ZNF33B: variants seen among roughly 807,000 people sequenced by gnomAD.
The protein encoded by ZNF33B is zinc finger protein 33B.
In ZNF33B, 29 loss-of-function variants were observed where a neutral mutation model predicts 45.8. The observed-to-expected ratio is 0.63, with a 90% CI of 0.47 to 0.86. ZNF33B has a LOEUF of 0.86. Ranked by LOEUF, ZNF33B falls within the 40% of genes least tolerant of loss-of-function variation. ZNF33B has a pLI of 0.00. For synonymous variants in ZNF33B, 305 were observed against 307.8 expected (o/e 0.99, Z 0.10); for missense variants, 831 against 909.9 (o/e 0.91, Z 1.12).
chr10:42,634,489 A>G (rs1003833801), intron 2 of ZNF33B, among the ~76,000 whole-genome samples: 2 of 152,204 alleles, frequency 1.3e-5, no homozygotes, highest in African/African-American at 2.4e-5. Context: ...GAATACTAAC[A>G]ATATTTGTAT....
intron 4 of ZNF33B, among the ~76,000 whole-genome samples, chr10:42,599,690 G>A (rs575856454): frequency 4.2e-4 from 64 of 151,882 alleles, no homozygotes; most frequent in Non-Finnish European, 7.8e-4. Flanking sequence ...TATTTGTGTC[G>A]CATAAGAAAG....
intron 4 of ZNF33B, among the ~76,000 whole-genome samples, chr10:42,623,249 G>A (rs572382099): frequency 2.4e-4 from 36 of 152,268 alleles, no homozygotes; most frequent in Admixed American, 1.9e-3. Context: ...CCTGGGTGAC[G>A]GTGAGACTCT....
intron 4 of ZNF33B, 102 bp downstream of exon 4, chr10:42,631,827 G>A (rs1251615706): frequency 1.6e-5 from 15 of 937,740 alleles, no homozygotes; most frequent in Non-Finnish European, 2.6e-5. Flanking sequence ...GACCCCTATG[G>A]AGATGTTCTT....
chr10:42,598,432 C>T (rs982112712), intron 4 of ZNF33B, among the ~76,000 whole-genome samples: 4 of 152,242 alleles, frequency 2.6e-5, no homozygotes, highest in African/African-American at 9.6e-5. Context: ...CACCCACACA[C>T]AATTCCAGAA....
chr10:42,596,466 A>G (rs1435506799), intron 4 of ZNF33B, among the ~76,000 whole-genome samples: 1 of 152,168 alleles, frequency 6.6e-6, no homozygotes, highest in Non-Finnish European at 1.5e-5. Context: ...TAAGGTTTAG[A>G]ATTACATACT....
At position 42,621,926 on chromosome 10, in the gene ZNF33B, T is replaced by G. The variant is rs1838609715; in HGVS notation, c.250+10003A>C. On this transcript the variant is annotated intron_variant, in intron 4 of 4. Coordinates refer to ENST00000359467, the MANE Select transcript of ZNF33B (RefSeq NM_006955.3). ...TGCCTACTCACAGGTGACATAATCCTAAAGATAGATCATAAAGAAACTACA... is the reference window on the plus strand; with the variant it reads ...TGCCTACTCACAGGTGACATAATCCGAAAGATAGATCATAAAGAAACTACA... Among the ~76,000 whole-genome samples, 4 of 152,182 alleles carry G rather than the reference T, an allele frequency of 2.6e-5. No individual in the cohort carries two copies. The South Asian group carries it at 8.3e-4, about 31-fold the overall frequency.
Position 42,593,956 on chromosome 10 carries a change from T to A in ZNF33B, c.994A>T (p.Asn332Tyr). ...TCCCAGAAAGCTTTCCCACATTCAT[T>A]ACATTCAAAGTGTTTCTCTCCTTTA... ...GDKGEKHFEC[N>Y]ECGKAFWEKS... Residue 332 changes from asparagine to tyrosine, a missense_variant, in exon 5 of 5, where the codon AAT becomes TAT. Asn to Tyr is a moderately radical substitution (Grantham distance 143). Transcript: ENST00000359467. The A allele has an allele frequency of 2.5e-6, 4 of 1,614,096 alleles. No individual in the cohort carries two copies. Among genetic ancestry groups the A allele is most frequent in the Non-Finnish European group, 3.4e-6 (4 of 1,179,954 alleles).
chr10:42,602,754 G>T (rs556305858), intron 4 of ZNF33B, among the ~76,000 whole-genome samples: 2 of 152,122 alleles, frequency 1.3e-5, no homozygotes, highest in African/African-American at 4.8e-5. Context: ...GTTTTTCCAC[G>T]CTGGCTGGCA....
chr10:42,594,248 G>A lies in ZNF33B; in HGVS notation c.702C>T (p.Phe234=), dbSNP rs1837293931. 18 of 1,613,600 alleles carry A rather than the reference G, an allele frequency of 1.1e-5. No individual in the cohort carries two copies. Among genetic ancestry groups the A allele is most frequent in the Non-Finnish European group, 1.4e-5 (16 of 1,179,920 alleles). Residue 234 remains phenylalanine, a synonymous_variant, in exon 5 of 5, where the codon TTC becomes TTT. Coordinates refer to ENST00000359467, the MANE Select transcript of ZNF33B (RefSeq NM_006955.3). ...CTGCATTCTCTCTCTTCCGTGTATTGAATACTGCCTTTTCAAGGAGGGTTT... is the reference window on the plus strand; with the variant it reads ...CTGCATTCTCTCTCTTCCGTGTATTAAATACTGCCTTTTCAAGGAGGGTTT... ...CQETLLEKAV[F]NTRKRENAEE... is the part of the protein sequence containing the mutation.
At chr10:42,604,476 C>A (rs1052070531) in intron 4 of ZNF33B, among the ~76,000 whole-genome samples, 1 of 151,960 alleles carries the variant, frequency 6.6e-6, no homozygotes, top group African/African-American at 2.4e-5. Flanking sequence ...TAAATATGTT[C>A]ATAAGGAAAC....
At chr10:42,636,756 G>T (rs1038025359) in intron 2 of ZNF33B, 164 bp downstream of exon 2, 2 of 869,110 alleles carry the variant, frequency 2.3e-6, no homozygotes, top group Non-Finnish European at 3.6e-6. Context: ...GGAGGCAGAG[G>T]TTGCAAGGTT....
chr10:42,604,023 C>A (rs1837737747), intron 4 of ZNF33B, among the ~76,000 whole-genome samples: 1 of 152,124 alleles, frequency 6.6e-6, no homozygotes, highest in African/African-American at 2.4e-5. Context: ...TATTCTTCAA[C>A]AAAAAAATTA....
intron 4 of ZNF33B, among the ~76,000 whole-genome samples, chr10:42,609,513 TA>T (rs1445690670): frequency 6.6e-6 from 1 of 152,080 alleles, no homozygotes; most frequent in Non-Finnish European, 1.5e-5. Flanking sequence ...ATCAAACATT[TA>T]AAAAGAAGTA....
At chr10:42,611,837 T>G (rs1434932074) in intron 4 of ZNF33B, among the ~76,000 whole-genome samples, 2 of 152,252 alleles carry the variant, frequency 1.3e-5, no homozygotes, top group Non-Finnish European at 2.9e-5. Context: ...CTATAAAGAC[T>G]TAACAGTTTT....
chr10:42,602,133 C>T (rs1395428923), intron 4 of ZNF33B, among the ~76,000 whole-genome samples: 1 of 151,720 alleles, frequency 6.6e-6, no homozygotes, highest in Non-Finnish European at 1.5e-5. Context: ...CATCATGTTG[C>T]CCAGGCTGGT....
intron 4 of ZNF33B, among the ~76,000 whole-genome samples, chr10:42,618,839 C>T (rs1055134944): frequency 3.9e-5 from 6 of 152,086 alleles, no homozygotes; most frequent in African/African-American, 1.4e-4. Flanking sequence ...TAATGATATC[C>T]GTTTCCCAAG....
At chr10:42,621,264 CG>C (rs1838571140) in intron 4 of ZNF33B, among the ~76,000 whole-genome samples, 1 of 151,230 alleles carries the variant, frequency 6.6e-6, no homozygotes, top group African/African-American at 2.4e-5. Flanking sequence ...CCTGGGAGTT[CG>C]AGGCTACAGT....
chr10:42,617,090 CTCTTT>C (rs1838356925), intron 4 of ZNF33B, among the ~76,000 whole-genome samples: 1 of 85,688 alleles, frequency 1.2e-5, no homozygotes, highest in African/African-American at 4.2e-5. Context: ...TTCATTTTTT[CTCTTT>C]TTTTTTTTTT....
intron 4 of ZNF33B, chr10:42,614,362 A>C (rs1838226506): frequency 6.5e-6 from 1 of 153,668 alleles, no homozygotes; most frequent in Admixed American, 6.5e-5. Flanking sequence ...GAGGAGCCTA[A>C]AGAGACATAA....
Sources: gnomAD v4.1 joint callset for allele counts (sites outside exome capture counted in the v4.1 genomes callset) on GRCh38, gnomAD v4.1.1 for gene constraint, MANE v1.5 for transcripts, NCBI Gene and HGNC (gene_info 2026-07-23, HGNC 2026-07-21) for gene names.